Variants in ZNF354B observed in about 807,000 individuals in gnomAD.
ZNF354B encodes the protein zinc finger protein 354B.
A neutral mutation model predicts 12.9 loss-of-function variants in ZNF354B; 10 were observed. That is an observed-to-expected ratio of 0.77 (90% CI 0.48 to 1.31). ZNF354B has a LOEUF of 1.31. ZNF354B is among the 40% of genes most tolerant of loss of function. The pLI is 0.00. For missense variants in ZNF354B, 614 were observed against 711.7 expected (o/e 0.86, Z 1.56); for synonymous variants, 260 against 243.7 (o/e 1.07, Z -0.62).
chr5:178,884,333 G>A lies in ZNF354B; in HGVS notation c.*42G>A, dbSNP rs369181418. On this transcript the variant is annotated 3_prime_UTR_variant, in exon 5 of 5. Transcript: ENST00000322434. ...CTCATCAGAGAATACATGCTTGAGA[G>A]TGATTTATTAAATATAATGAATATG... 19 of 1,520,380 alleles carry A rather than the reference G, an allele frequency of 1.2e-5. No homozygotes were observed. The highest frequency in any genetic ancestry group is 4.5e-5 in the Admixed American group (2 of 44,492). The allele number at this position is 1,520,380 out of a possible 1,614,324, so 94.2% of individuals were successfully genotyped here. A position where few individuals can be genotyped will look rare whatever the true frequency, so the allele number is the denominator to read the frequency against.
At chr5:178,879,376 GTTGTTT>G (rs1184292380) in intron 4 of ZNF354B, among the ~76,000 whole-genome samples, 1 of 149,122 alleles carries the variant, frequency 6.7e-6, no homozygotes, top group Non-Finnish European at 1.5e-5. Context: ...AGAAACCAGA[GTTGTTT>G]TTGTTTTTGT....
At chr5:178,880,897 C>T (rs1423177703) in intron 4 of ZNF354B, among the ~76,000 whole-genome samples, 2 of 129,138 alleles carry the variant, frequency 1.5e-5, no homozygotes, top group African/African-American at 6.0e-5. Flanking sequence ...GGCTGGACTG[C>T]AGTGGTGTGA....
chr5:178,864,306 C>T (rs1281012695), intron 2 of ZNF354B, among the ~76,000 whole-genome samples: 1 of 152,158 alleles, frequency 6.6e-6, no homozygotes, highest in African/African-American at 2.4e-5. Context: ...TTAGCATTGT[C>T]TTACAGTTCT....
At chr5:178,878,367 A>G (rs1401230554) in intron 4 of ZNF354B, among the ~76,000 whole-genome samples, 1 of 151,014 alleles carries the variant, frequency 6.6e-6, no homozygotes, top group East Asian at 2.0e-4. Context: ...TGGGCAACAG[A>G]GCGAGACTCC....
At chr5:178,861,510 C>G (rs1381273487) in intron 2 of ZNF354B, among the ~76,000 whole-genome samples, 2 of 152,182 alleles carry the variant, frequency 1.3e-5, no homozygotes, top group Non-Finnish European at 2.9e-5. Context: ...AGTTTTTTGT[C>G]CCTCTTAACT....
In ZNF354B at chr5:178,867,004, C is replaced by CTCCCTGTTGCAGCAAGGAGAAGA; in HGVS notation, c.196_218dup (p.Trp73CysfsTer21). ...TCTCATTTACCAAACCAAAAGTCAT[C>CTCCCTGTTGCAGCAAGGAGAAGA]TCCCTGTTGCAGCAAGGAGAAGATC... On this transcript the variant is annotated frameshift_variant, in exon 4 of 5. Transcript: ENST00000322434. LOFTEE classifies it high-confidence loss of function. The CTCCCTGTTGCAGCAAGGAGAAGA allele has an allele frequency of 6.2e-7, 1 of 1,614,052 alleles. No individual in the cohort carries two copies. The highest frequency in any genetic ancestry group is 8.5e-7 in the Non-Finnish European group (1 of 1,179,958).
chr5:178,870,223 G>C (rs1054923914), intron 4 of ZNF354B, among the ~76,000 whole-genome samples: 1 of 152,116 alleles, frequency 6.6e-6, no homozygotes, highest in South Asian at 2.1e-4. Context: ...AAAAACTTAT[G>C]CTCCCCATGA....
intron 4 of ZNF354B, among the ~76,000 whole-genome samples, chr5:178,875,253 A>C (rs12518703): frequency 1.1e-4 from 17 of 152,176 alleles, no homozygotes; most frequent in African/African-American, 4.1e-4. Context: ...CTTGGAGGCA[A>C]CAGGGGAAGG....
chr5:178,875,022 G>T (rs1757615953), intron 4 of ZNF354B, among the ~76,000 whole-genome samples: 1 of 152,168 alleles, frequency 6.6e-6, no homozygotes, highest in Non-Finnish European at 1.5e-5. Context: ...TAAAGTTTGG[G>T]CTGTGGTCTG....
intron 4 of ZNF354B, among the ~76,000 whole-genome samples, chr5:178,869,700 T>C (rs550009285): frequency 4.6e-5 from 7 of 152,174 alleles, no homozygotes; most frequent in South Asian, 4.2e-4. Flanking sequence ...CCTTTTCAGA[T>C]TGGGGAGGAT....
At chr5:178,862,330 G>A (rs989783530) in intron 2 of ZNF354B, among the ~76,000 whole-genome samples, 4 of 150,608 alleles carry the variant, frequency 2.7e-5, no homozygotes, top group African/African-American at 7.4e-5. Flanking sequence ...GCAGCCACGC[G>A]ATACCAGAGT....
intron 4 of ZNF354B, 40 bp from the exon 5 acceptor site, chr5:178,882,669 A>C: frequency 6.6e-7 from 1 of 1,510,424 alleles, no homozygotes; most frequent in Non-Finnish European, 8.8e-7. Context: ...AGCCAATCAC[A>C]TGAATCATGG....
In ZNF354B at chr5:178,884,024, T is replaced by C; in HGVS notation, c.1572T>C (p.Cys524=). 1 of 1,614,132 alleles carries C rather than the reference T, an allele frequency of 6.2e-7. No homozygotes were observed. The highest frequency in any genetic ancestry group is 1.7e-5 in the Admixed American group (1 of 60,024). Residue 524 remains cysteine, a synonymous_variant, in exon 5 of 5, where the codon TGT becomes TGC. Transcript: ENST00000322434. ...RIHTGEKPYR[C]LECGMSFGQS... is the part of the protein sequence containing the mutation. ...ATACTGGAGAGAAACCATATCGATG[T>C]TTAGAATGTGGGATGTCTTTTGGCC...
At chr5:178,881,844 G>T (rs369171844) in intron 4 of ZNF354B, among the ~76,000 whole-genome samples, 57 of 152,220 alleles carry the variant, frequency 3.7e-4, no homozygotes, top group Non-Finnish European at 7.5e-4. Context: ...GGGTTTCACT[G>T]TGTTGGCCAG....
intron 4 of ZNF354B, among the ~76,000 whole-genome samples, chr5:178,882,097 T>C (rs547747083): frequency 3.2e-4 from 48 of 152,336 alleles, no homozygotes; most frequent in African/African-American, 1.1e-3. Flanking sequence ...TATTCTATTA[T>C]GTTGAGGAAG....
intron 2 of ZNF354B, among the ~76,000 whole-genome samples, chr5:178,865,143 ATTTC>A (rs1757427779): frequency 6.6e-6 from 1 of 152,142 alleles, no homozygotes; most frequent in Non-Finnish European, 1.5e-5. Context: ...AGATGAACTT[ATTTC>A]TTTATTAAGT....
At chr5:178,861,494 G>A (rs2114003600) in intron 2 of ZNF354B, among the ~76,000 whole-genome samples, 1 of 152,196 alleles carries the variant, frequency 6.6e-6, no homozygotes, top group Middle Eastern at 3.4e-3. Flanking sequence ...CCAACGCATC[G>A]TTGTTAGTTT....
chr5:178,880,172 A>G (rs1757697522), intron 4 of ZNF354B, among the ~76,000 whole-genome samples: 1 of 151,972 alleles, frequency 6.6e-6, no homozygotes, highest in Non-Finnish European at 1.5e-5. Flanking sequence ...CTTCCCATGT[A>G]TTCGTCATCC....
At chr5:178,874,432 A>G (rs1370483068) in intron 4 of ZNF354B, among the ~76,000 whole-genome samples, 1 of 152,008 alleles carries the variant, frequency 6.6e-6, no homozygotes, top group Non-Finnish European at 1.5e-5. Flanking sequence ...GGTTTTGTTC[A>G]TTGGTTTTTA....
Sources: gnomAD v4.1 joint callset for allele counts (sites outside exome capture counted in the v4.1 genomes callset) on GRCh38, gnomAD v4.1.1 for gene constraint, MANE v1.5 for transcripts, NCBI Gene and HGNC (gene_info 2026-07-23, HGNC 2026-07-21) for gene names.